PCOLCE2: variants seen among roughly 807,000 people sequenced by gnomAD.
PCOLCE2 encodes procollagen C-proteinase enhancer 2.
PCOLCE2 carries 42 observed loss-of-function variants against 47.0 expected under a neutral mutation model. The ratio of observed to expected loss-of-function variants is 0.89; its 90% CI spans 0.70 to 1.16. The LOEUF (loss-of-function observed/expected upper bound fraction) is 1.16, where lower values mean the gene tolerates loss of function less well. Ranked by LOEUF, PCOLCE2 falls within the 50% of genes most tolerant of loss-of-function variation. The pLI is 0.00. For synonymous variants in PCOLCE2, 169 were observed against 191.7 expected, an observed-to-expected ratio of 0.88 and a Z score of 0.98; for missense variants, 500 against 526.1, an observed-to-expected ratio of 0.95 and a Z score of 0.49.
At chr3:142,846,961 A>G (rs1379235405) in intron 3 of PCOLCE2, among the ~76,000 whole-genome samples, 3 of 152,218 alleles carry the variant, frequency 2.0e-5, no homozygotes, top group Non-Finnish European at 4.4e-5. Flanking sequence ...CCTTGAGATC[A>G]GTTCTTATTG....
At chr3:142,821,913 T>G (rs59989164) in intron 7 of PCOLCE2, among the ~76,000 whole-genome samples, 6,003 of 151,962 alleles carry the variant, frequency 0.04, 332 homozygotes, top group African/African-American at 0.12. Flanking sequence ...ACAGTTTTTT[T>G]TTGTTGTTGT....
chr3:142,823,683 T>A, intron 6 of PCOLCE2, 68 bp from the exon 7 acceptor site: 1 of 859,970 alleles, frequency 1.2e-6, no homozygotes, highest in Non-Finnish European at 1.9e-6. Context: ...TAGTTCTGAA[T>A]CTACCCATTT....
At chr3:142,827,592 T>C in intron 6 of PCOLCE2, 1 of 1,478,260 alleles carries the variant, frequency 6.8e-7, no homozygotes, top group African/African-American at 1.4e-5. Flanking sequence ...AGCTGGGCCT[T>C]CTTGCCGCAA....
intron 8 of PCOLCE2, among the ~76,000 whole-genome samples, 200 bp downstream of exon 8, chr3:142,820,678 T>C (rs1013896151): frequency 6.6e-6 from 1 of 152,238 alleles, no homozygotes; most frequent in Non-Finnish European, 1.5e-5. Context: ...CTTCTTTCAC[T>C]TGTTCATCAT....
At chr3:142,854,811 C>A (rs368145274) in intron 2 of PCOLCE2, among the ~76,000 whole-genome samples, 1 of 152,196 alleles carries the variant, frequency 6.6e-6, no homozygotes, top group African/African-American at 2.4e-5. Context: ...TTTCTATGCA[C>A]TATATACGTA....
intron 2 of PCOLCE2, among the ~76,000 whole-genome samples, chr3:142,853,868 T>A (rs1933006245): frequency 6.6e-6 from 1 of 152,220 alleles, no homozygotes. Context: ...TCGACGTTTG[T>A]GTTTTTTCCT....
At chr3:142,818,527 G>C in intron 8 of PCOLCE2, 62 bp from the exon 9 acceptor site, 23 of 1,198,264 alleles carry the variant, frequency 1.9e-5, no homozygotes, top group Non-Finnish European at 2.5e-5. Context: ...AAACAACTTA[G>C]ACTGTAAGTT....
At chr3:142,844,161 G>A (rs1233634887) in intron 3 of PCOLCE2, among the ~76,000 whole-genome samples, 1 of 152,076 alleles carries the variant, frequency 6.6e-6, no homozygotes, top group Non-Finnish European at 1.5e-5. Context: ...GGATATACCT[G>A]TGTAAACCAC....
At chr3:142,818,580 C>T (rs1451311618) in intron 8 of PCOLCE2, 115 bp from the exon 9 acceptor site, 1 of 799,940 alleles carries the variant, frequency 1.3e-6, no homozygotes, top group Non-Finnish European at 2.1e-6. Flanking sequence ...TAAGATTATA[C>T]ATGTATTCCA....
chr3:142,872,056 C>T (rs538320866), intron 2 of PCOLCE2, among the ~76,000 whole-genome samples: 83 of 152,174 alleles, frequency 5.5e-4, no homozygotes, highest in Admixed American at 3.8e-3. Flanking sequence ...CTTTTGGCCA[C>T]GGGAAGCCCC....
chr3:142,853,262 T>C (rs772498231), intron 2 of PCOLCE2, among the ~76,000 whole-genome samples: 46 of 152,194 alleles, frequency 3.0e-4, no homozygotes, highest in Non-Finnish European at 4.7e-4. Flanking sequence ...TTCCCACTTC[T>C]GCCCTTCTCT....
chr3:142,863,096 C>CAA (rs35383176), intron 2 of PCOLCE2, among the ~76,000 whole-genome samples: 94 of 85,894 alleles, frequency 1.1e-3, no homozygotes, highest in Non-Finnish European at 1.6e-3. Flanking sequence ...GTCTGGCAGG[C>CAA]AAAAAAAAAA....
At chr3:142,864,920 T>C (rs946440806) in intron 2 of PCOLCE2, among the ~76,000 whole-genome samples, 4 of 152,232 alleles carry the variant, frequency 2.6e-5, no homozygotes, top group Non-Finnish European at 4.4e-5. Flanking sequence ...GTATTTGAAA[T>C]GTATCTACTT....
At chr3:142,862,238 C>T (rs761871785) in intron 2 of PCOLCE2, among the ~76,000 whole-genome samples, 16 of 152,174 alleles carry the variant, frequency 1.1e-4, no homozygotes, top group Non-Finnish European at 2.1e-4. Flanking sequence ...AACTTCTAAC[C>T]TCATCTGCCC....
chr3:142,821,756 CCT>C lies in PCOLCE2; in HGVS notation c.950-713_950-712del, dbSNP rs1553812424. ...AGTTGATTTTTTCATTATGTAAACC[CCT>C]GTTTTTTCCATCATGACACTCCGAG... On this transcript the variant is annotated intron_variant, in intron 7 of 8. Coordinates refer to ENST00000295992, the MANE Select transcript of PCOLCE2 (RefSeq NM_013363.4). 5.2e-4 allele frequency among the ~76,000 whole-genome samples: 78 copies of C among 151,200 alleles called. 1 individual carries two copies. Among genetic ancestry groups the C allele is most frequent in the Admixed American group, 4.3e-3 (65 of 15,194 alleles).
intron 6 of PCOLCE2, among the ~76,000 whole-genome samples, chr3:142,825,138 A>T (rs1380928364): frequency 1.3e-5 from 2 of 152,172 alleles, no homozygotes; most frequent in African/African-American, 4.8e-5. Flanking sequence ...TTCAGCTGTA[A>T]ATTTATGGAA....
At chr3:142,837,649 A>G (rs1410775178) in intron 5 of PCOLCE2, among the ~76,000 whole-genome samples, 1 of 152,234 alleles carries the variant, frequency 6.6e-6, no homozygotes, top group Non-Finnish European at 1.5e-5. Context: ...GCTTTTACTA[A>G]TATTGTAAGT....
intron 5 of PCOLCE2, 90 bp downstream of exon 5, chr3:142,838,680 T>A (rs1161155404): frequency 3.8e-5 from 45 of 1,182,842 alleles, no homozygotes; most frequent in Non-Finnish European, 9.8e-6. Context: ...CAACATAAAA[T>A]CTTCCAGAAA....
chr3:142,887,831 C>T (rs955484392), intron 1 of PCOLCE2, 54 bp from the exon 2 acceptor site: 4 of 940,638 alleles, frequency 4.3e-6, no homozygotes, highest in Admixed American at 1.8e-5. Context: ...GTCTAACAAT[C>T]TGATGTTACC....
Sources: allele counts gnomAD v4.1 joint callset (sites outside exome capture counted in the v4.1 genomes callset), GRCh38; gene constraint gnomAD v4.1.1; transcripts MANE v1.5; gene names NCBI Gene and HGNC (gene_info 2026-07-23, HGNC 2026-07-21).